Variants in MED13 observed in about 807,000 individuals in gnomAD.
MED13 encodes the protein mediator of RNA polymerase II transcription subunit 13.
In MED13, 23 loss-of-function variants were observed where a neutral mutation model predicts 225.2. The observed-to-expected ratio is 0.10, with a 90% confidence interval of 0.07 to 0.14. MED13 has a LOEUF of 0.14. Ranked by LOEUF, MED13 falls within the 10% of genes least tolerant of loss-of-function variation. The pLI is 1.00. For synonymous variants in MED13, 942 were observed against 889.2 expected (o/e 1.06, Z -1.06); for missense variants, 2,197 against 2,594.5 (o/e 0.85, Z 3.33).
At chr17:61,952,533 G>A (rs1202541035) in intron 27 of MED13, among the ~76,000 whole-genome samples, 1 of 152,128 alleles carries the variant, frequency 6.6e-6, no homozygotes, top group Non-Finnish European at 1.5e-5. Flanking sequence ...GGAAAGTAGA[G>A]CCTTAGAGAT....
At chr17:61,997,823 T>TA (rs1334540759) in intron 9 of MED13, among the ~76,000 whole-genome samples, 1 of 152,114 alleles carries the variant, frequency 6.6e-6, no homozygotes, top group African/African-American at 2.4e-5. Flanking sequence ...GGCAGAAGTA[T>TA]AAAAACCTTC....
At chr17:62,054,319 A>T (rs553651457) in intron 2 of MED13, among the ~76,000 whole-genome samples, 4 of 152,160 alleles carry the variant, frequency 2.6e-5, no homozygotes, top group African/African-American at 9.7e-5. Flanking sequence ...AACAAACAAA[A>T]AAAAAGGTAA....
At chr17:62,033,695 T>C in intron 5 of MED13, 92 bp downstream of exon 5, 1 of 1,200,350 alleles carries the variant, frequency 8.3e-7, no homozygotes, top group Non-Finnish European at 1.2e-6. Context: ...TGAAAGCCAC[T>C]GAGTTATTAG....
At chr17:61,960,134 T>C (rs778766765) in intron 23 of MED13, among the ~76,000 whole-genome samples, 2 of 152,182 alleles carry the variant, frequency 1.3e-5, no homozygotes, top group African/African-American at 4.8e-5. Context: ...TACTAAAGGC[T>C]TGAAATGTTT....
At chr17:62,049,240 G>C (rs534173520) in intron 3 of MED13, among the ~76,000 whole-genome samples, 138 of 152,140 alleles carry the variant, frequency 9.1e-4, no homozygotes, top group African/African-American at 3.1e-3. Context: ...TAATTAACAA[G>C]AGGAGAAAAA....
intron 3 of MED13, chr17:62,036,949 T>C (rs2080808884): frequency 6.6e-6 from 1 of 152,196 alleles, no homozygotes; most frequent in African/African-American, 2.4e-5. Context: ...GTCTAAAAAA[T>C]GCTTTTAATC....
chr17:61,946,462 T>C lies in MED13; in HGVS notation c.*6A>G, dbSNP rs1270186808. On this transcript the variant is annotated 3_prime_UTR_variant, in exon 30 of 30. Transcript: ENST00000397786. ...TCTTTTCTTGCACAGTTCCATCAAA[T>C]GAAGATCACAGCATATTCATAATAA... 6.2e-7 allele frequency: 1 copy of C among 1,611,378 alleles called. No homozygotes were observed.
chr17:62,031,644 AGG>A lies in MED13; in HGVS notation c.815-8_815-7del. The A allele has an allele frequency of 5.9e-6, 9 of 1,536,322 alleles. No individual in the cohort carries two copies. The Admixed American group carries it at 8.2e-5, about 14-fold the overall frequency. ...GTAGATCATTCGGACACCAGCTGAA[AGG>A]AAAAAAATGGGACAGGAAAACCAAT... On this transcript the variant is annotated splice_polypyrimidine_tract_variant and splice_region_variant and intron_variant, in intron 5 of 29. Coordinates refer to ENST00000397786, the MANE Select transcript of MED13 (RefSeq NM_005121.3).
In MED13 at chr17:62,013,027, G is replaced by A. The variant is rs558702932; in HGVS notation, c.1284-1794C>T. Among the ~76,000 whole-genome samples, 4 of 152,022 alleles carry A rather than the reference G, an allele frequency of 2.6e-5. No homozygotes were observed. In the South Asian group the frequency reaches 8.3e-4, roughly 32 times the overall value. On this transcript the variant is annotated intron_variant, in intron 8 of 29. Transcript: ENST00000397786. ...AGGATAGTCTCGATCTCTTGACCTC[G>A]TGATCCGCCCACCTTGGCCTCCCAA...
intron 3 of MED13, among the ~76,000 whole-genome samples, chr17:62,045,661 G>T (rs1196368915): frequency 1.3e-5 from 2 of 152,160 alleles, no homozygotes; most frequent in Non-Finnish European, 2.9e-5. Flanking sequence ...CCATTTGCTT[G>T]TGGGCTCACT....
intron 9 of MED13, among the ~76,000 whole-genome samples, chr17:62,009,325 G>A (rs1329861504): frequency 6.6e-6 from 1 of 152,026 alleles, no homozygotes; most frequent in East Asian, 1.9e-4. Context: ...ACCAATGGAG[G>A]AAGAAACCTA....
chr17:61,982,401 G>A lies in MED13; in HGVS notation c.3602C>T (p.Ser1201Leu), dbSNP rs1226367135. ...LLQDQCTNLF[S>L]PFGAADQDPF... ...ATCTTGGTCTGCTGCTCCAAAGGGT[G>A]AAAATAAATTAGTGCACTGATCTTG... The change falls in exon 16 of 30, where the codon TCA (serine) becomes TTA (leucine). Residue 1201 changes from serine (S) to leucine (L), a missense_variant. By Grantham distance (145) the Ser-to-Leu change is moderately radical (BLOSUM62 -2). This residue lies in a region of MED13 where 203 missense variants were observed against 209.7 expected (regional missense o/e 0.97). Coordinates refer to ENST00000397786, the MANE Select transcript of MED13 (RefSeq NM_005121.3). The A allele has an allele frequency of 6.2e-7, 1 of 1,614,156 alleles. No homozygotes were observed. Among genetic ancestry groups the A allele is most frequent in the Middle Eastern group, 1.6e-4 (1 of 6,062 alleles).
At chr17:61,995,464 TTATC>T in intron 9 of MED13, 99 bp from the exon 10 acceptor site, 1 of 724,394 alleles carries the variant, frequency 1.4e-6, no homozygotes, top group South Asian at 2.3e-5. Context: ...TACTTAAAGA[TTATC>T]TAACCTACAA....
intron 2 of MED13, among the ~76,000 whole-genome samples, chr17:62,061,330 T>TCAACA (rs2081037397): frequency 6.6e-6 from 1 of 151,384 alleles, no homozygotes; most frequent in Non-Finnish European, 1.5e-5. Context: ...ACCAGCCTGG[T>TCAACA]CAACACAGCA....
chr17:61,971,053 C>T (rs1348748960), intron 17 of MED13, among the ~76,000 whole-genome samples: 5 of 151,648 alleles, frequency 3.3e-5, no homozygotes, highest in African/African-American at 1.2e-4. Flanking sequence ...AAAAATACAC[C>T]CATGCTTTAA....
chr17:62,058,167 C>A (rs1010997333), intron 2 of MED13, among the ~76,000 whole-genome samples: 1 of 152,032 alleles, frequency 6.6e-6, no homozygotes, highest in Non-Finnish European at 1.5e-5. Context: ...CCATTTTATA[C>A]CTCTTTCACC....
chr17:61,946,851 A>T lies in MED13; in HGVS notation c.6392+66T>A, dbSNP rs764648406. On this transcript the variant is annotated intron_variant, in intron 29 of 29. Transcript: ENST00000397786. ...TTCTTGCCAAAAATGAGAAAAATAT[A>T]TAAGAATCAACATTATATTCTTTTA... 4 of 1,428,344 alleles carry T rather than the reference A, an allele frequency of 2.8e-6. No homozygotes were observed. The African/African-American group carries it at 4.3e-5, about 15-fold the overall frequency. The allele number at this position is 1,428,344 out of a possible 1,614,324, so 88.5% of individuals were successfully genotyped here. A position where few individuals can be genotyped will look rare whatever the true frequency, so the allele number is the denominator to read the frequency against.
At chr17:62,003,903 A>G (rs1376350216) in intron 9 of MED13, 1 of 152,150 alleles carries the variant, frequency 6.6e-6, no homozygotes, top group African/African-American at 2.4e-5. Flanking sequence ...ATAATTTTAG[A>G]ACAGATTTTA....
intron 2 of MED13, among the ~76,000 whole-genome samples, chr17:62,055,995 A>C (rs150239189): frequency 6.6e-6 from 1 of 152,178 alleles, no homozygotes; most frequent in Non-Finnish European, 1.5e-5. Context: ...AGTAGAGACC[A>C]CCTGTTGAGG....
Sources: gnomAD v4.1 joint callset for allele counts (sites outside exome capture counted in the v4.1 genomes callset) on GRCh38, gnomAD v4.1.1 for gene constraint, gnomAD v4.1.1 regional missense constraint, MANE v1.5 for transcripts, NCBI Gene and HGNC (gene_info 2026-07-23, HGNC 2026-07-21) for gene names.